The following PCDHA3 variants were observed in gnomAD, a reference collection of about 807,000 sequenced individuals.
PCDHA3 encodes protocadherin alpha 3.
PCDHA3 carries 41 observed loss-of-function variants against 62.2 expected under a neutral mutation model. The ratio of observed to expected loss-of-function variants is 0.66; its 90% CI spans 0.51 to 0.86. The LOEUF (loss-of-function observed/expected upper bound fraction) is 0.86, where lower values mean the gene tolerates loss of function less well. Among genes scored for constraint, PCDHA3 ranks in the 40% least tolerant of loss-of-function variants. The pLI, the probability that PCDHA3 is intolerant of heterozygous loss-of-function variation, is 0.00. For synonymous variants in PCDHA3, 640 were observed against 555.4 expected (o/e 1.15, Z -2.14); for missense variants, 1,304 against 1,241.2 (o/e 1.05, Z -0.76).
At position 140,801,149 on chromosome 5, in the gene PCDHA3, A is replaced by C; in HGVS notation, c.-49A>C. On this transcript the variant is annotated 5_prime_UTR_variant, in exon 1 of 4. An upstream open reading frame in the 5' UTR loses its in-frame stop. Coordinates refer to ENST00000522353, the MANE Select transcript of PCDHA3 (RefSeq NM_018906.3). Reference sequence around the variant, plus strand: ...AAGATAAGGAACTCGAATTATTTTTAAACTTTGGATCAATGTAAAGGCAAT... The same window carrying C: ...AAGATAAGGAACTCGAATTATTTTTCAACTTTGGATCAATGTAAAGGCAAT... 3 of 1,529,906 alleles carry C rather than the reference A, an allele frequency of 2.0e-6. No homozygotes were observed. The highest frequency in any genetic ancestry group is 2.6e-6 in the Non-Finnish European group (3 of 1,142,424). 94.8% of individuals were successfully genotyped at this position (1,529,906 alleles called of 1,614,324 possible).
chr5:140,850,833 G>A, intron 1 of PCDHA3: 1 of 1,598,078 alleles, frequency 6.3e-7, no homozygotes, highest in Non-Finnish European at 8.6e-7. Flanking sequence ...TTCTCCTTGT[G>A]CTGGATCTAC....
chr5:140,802,612 G>A lies in PCDHA3; in HGVS notation c.1415G>A (p.Cys472Tyr). Residue 472 changes from cysteine (C) to tyrosine (Y), a missense_variant, in exon 1 of 4, where the codon TGC (cysteine) becomes TAC (tyrosine). By Grantham distance (194) the Cys-to-Tyr change is radical. Transcript: ENST00000522353. ...VFVKENNPPG[C>Y]HIFTVSARDA... ...GTGAAGGAGAACAACCCGCCGGGCT[G>A]CCACATCTTCACGGTGTCTGCGCGG... 1 of 1,614,020 alleles carries A rather than the reference G, an allele frequency of 6.2e-7. No individual in the cohort carries two copies. The highest frequency in any genetic ancestry group is 8.5e-7 in the Non-Finnish European group (1 of 1,179,964).
At chr5:140,982,336 A>G in intron 2 of PCDHA3, 139 bp from the exon 3 acceptor site, 1 of 1,449,074 alleles carries the variant, frequency 6.9e-7, no homozygotes, top group Non-Finnish European at 9.2e-7. Context: ...GCTCAGCAGT[A>G]ATTGCTTCAG....
At chr5:140,841,171 GGTCAATGTT>G (rs1175788362) in intron 1 of PCDHA3, 24 of 993,568 alleles carry the variant, frequency 2.4e-5, no homozygotes, top group Non-Finnish European at 2.9e-5. Flanking sequence ...AGTTCTGGTT[GGTCAATGTT>G]CAAAGTCTTT....
chr5:140,808,970 C>A lies in PCDHA3; in HGVS notation c.2394+5379C>A, dbSNP rs879959461. The A allele has an allele frequency of 5.6e-6, 9 of 1,613,572 alleles. No homozygotes were observed. The South Asian group carries it at 8.8e-5, about 16-fold the overall frequency. On this transcript the variant is annotated intron_variant, in intron 1 of 3. Transcript: ENST00000522353. ...TGTGGGCCACGTGGTGGCAAAGGTG[C>A]GCGCGGTGGATGCTGACTCGGGCTA...
intron 1 of PCDHA3, among the ~76,000 whole-genome samples, chr5:140,946,570 C>G (rs1488950892): frequency 7.2e-6 from 1 of 138,492 alleles, no homozygotes; most frequent in Non-Finnish European, 1.5e-5. Context: ...ATAGAATCAA[C>G]TTAGGTGTTC....
At position 140,801,509 on chromosome 5, in the gene PCDHA3, C is replaced by T. The variant is rs251382; in HGVS notation, c.312C>T (p.Ile104=). 36,339 of 1,614,194 alleles carry T rather than the reference C, an allele frequency of 0.023. 542 individuals are homozygous for T. Among genetic ancestry groups the T allele is most frequent in the Non-Finnish European group, 0.026 (30,985 of 1,180,046 alleles). The part of the protein sequence containing the change: ...ELCGRSAECS[I]HLEVIVDRPL... ...GCGGGCGGAGCGCGGAGTGCAGCAT[C>T]CACCTGGAGGTGATCGTGGACAGGC... The change falls in exon 1 of 4, where the codon ATC becomes ATT. Residue 104 remains isoleucine, a synonymous_variant. Transcript: ENST00000522353.
intron 1 of PCDHA3, among the ~76,000 whole-genome samples, chr5:140,881,802 G>A (rs1239090795): frequency 1.3e-5 from 2 of 152,182 alleles, no homozygotes; most frequent in Admixed American, 6.5e-5. Context: ...CCCAAAACGA[G>A]TGTCGAATAT....
chr5:140,905,593 G>C (rs781937038), intron 1 of PCDHA3, among the ~76,000 whole-genome samples: 1 of 152,072 alleles, frequency 6.6e-6, no homozygotes, highest in Non-Finnish European at 1.5e-5. Context: ...TATTTTGCTG[G>C]GAATTGCATT....
intron 3 of PCDHA3, among the ~76,000 whole-genome samples, chr5:140,994,564 G>A (rs1554254259): frequency 6.6e-6 from 1 of 152,070 alleles, no homozygotes; most frequent in Non-Finnish European, 1.5e-5. Flanking sequence ...AATTAGCCGG[G>A]TGTGGTGGCA....
intron 1 of PCDHA3, chr5:140,834,189 G>A: frequency 1.7e-6 from 1 of 573,600 alleles, no homozygotes; most frequent in South Asian, 2.6e-5. Flanking sequence ...ACATGATGTC[G>A]CTCTTTACCG....
chr5:140,847,671 A>G (rs1178920203), intron 1 of PCDHA3: 1 of 149,902 alleles, frequency 6.7e-6, no homozygotes, highest in Admixed American at 6.7e-5. Flanking sequence ...TAAAGCTTGG[A>G]AAGAATCAAA....
At chr5:140,965,352 T>C (rs1474672624) in intron 1 of PCDHA3, among the ~76,000 whole-genome samples, 1 of 152,166 alleles carries the variant, frequency 6.6e-6, no homozygotes, top group Admixed American at 6.5e-5. Context: ...GTTGCCTCTA[T>C]AGCAGTACAA....
At chr5:140,828,181 G>A (rs2150151926) in intron 1 of PCDHA3, 12 of 1,614,058 alleles carry the variant, frequency 7.4e-6, no homozygotes, top group Non-Finnish European at 9.3e-6. Flanking sequence ...GGAGCGGCCA[G>A]CTCCACTACT....
At chr5:140,881,361 C>A (rs990387338) in intron 1 of PCDHA3, 6 of 985,126 alleles carry the variant, frequency 6.1e-6, no homozygotes, top group Non-Finnish European at 7.2e-6. Context: ...GCGTGGCTTT[C>A]GTATGAATTG....
At chr5:140,862,706 G>A in intron 1 of PCDHA3, 1 of 558,712 alleles carries the variant, frequency 1.8e-6, no homozygotes, top group South Asian at 1.4e-5. Context: ...ATGGAACAGC[G>A]GGTGGGCGAG....
chr5:141,002,649 T>C (rs2098089134), intron 3 of PCDHA3, among the ~76,000 whole-genome samples: 2 of 152,214 alleles, frequency 1.3e-5, no homozygotes, highest in South Asian at 2.1e-4. Context: ...GTCTACTTCA[T>C]AGGGCTCTTG....
intron 1 of PCDHA3, chr5:140,842,871 T>A (rs1554139485): frequency 4.4e-6 from 7 of 1,593,666 alleles, no homozygotes; most frequent in Middle Eastern, 2.1e-4. Context: ...AGCGGCAAGG[T>A]GTACGCGCTG....
intron 1 of PCDHA3, among the ~76,000 whole-genome samples, chr5:140,977,477 A>G (rs919582107): frequency 4.6e-5 from 7 of 152,230 alleles, no homozygotes. Flanking sequence ...AGATAATTTT[A>G]TGCTATGTTA....
Sources: allele counts gnomAD v4.1 joint callset (sites outside exome capture counted in the v4.1 genomes callset), GRCh38; gene constraint gnomAD v4.1.1; transcripts MANE v1.5; gene names NCBI Gene and HGNC (gene_info 2026-07-23, HGNC 2026-07-21).